Variants in RBFOX1 observed in about 807,000 individuals in gnomAD.
RBFOX1 encodes RNA binding fox-1 homolog 1, also known as RNA binding protein fox-1 homolog 1.
RBFOX1 carries 8 observed loss-of-function variants against 57.7 expected under a neutral mutation model. The ratio of observed to expected loss-of-function variants is 0.14; its 90% CI spans 0.08 to 0.25. The LOEUF is 0.25. Ranked by LOEUF, RBFOX1 falls within the 10% of genes least tolerant of loss-of-function variation. The probability of loss-of-function intolerance (pLI) is 1.00; values close to 1 mark genes in which losing one functional copy is unlikely to be tolerated. For synonymous variants in RBFOX1, 326 were observed against 222.4 expected, an observed-to-expected ratio of 1.47 and a Z score of -4.15; for missense variants, 611 against 548.5, an observed-to-expected ratio of 1.11 and a Z score of -1.14.
At chr16:7,357,601 C>T (rs940485598) in intron 4 of RBFOX1, among the ~76,000 whole-genome samples, 2 of 152,158 alleles carry the variant, frequency 1.3e-5, no homozygotes, top group African/African-American at 4.8e-5. Context: ...GTGCATTTCA[C>T]CCATCTTCCT....
At chr16:5,941,374 C>T (rs1218624349) in intron 4 of RBFOX1, among the ~76,000 whole-genome samples, 3 of 151,546 alleles carry the variant, frequency 2.0e-5, no homozygotes, top group Non-Finnish European at 4.4e-5. Flanking sequence ...CCTGTCGTCC[C>T]AGCTACTTGA....
intron 3 of RBFOX1, among the ~76,000 whole-genome samples, chr16:5,859,153 C>T (rs1455988153): frequency 2.0e-5 from 3 of 152,058 alleles, no homozygotes; most frequent in African/African-American, 4.8e-5. Context: ...TACAGTGAGC[C>T]GAGATCACGC....
At chr16:7,378,070 A>T (rs1440791667) in intron 4 of RBFOX1, among the ~76,000 whole-genome samples, 2 of 152,232 alleles carry the variant, frequency 1.3e-5, no homozygotes, top group East Asian at 3.8e-4. Flanking sequence ...TGGCTAGAGG[A>T]TTCTAATGGA....
intron 3 of RBFOX1, among the ~76,000 whole-genome samples, chr16:6,745,307 G>A (rs1469656477): frequency 1.3e-5 from 2 of 151,940 alleles, no homozygotes; most frequent in East Asian, 1.9e-4. Context: ...ATGAGGCAAC[G>A]ATTACTGTAA....
intron 4 of RBFOX1, among the ~76,000 whole-genome samples, chr16:7,176,846 C>T (rs1010781733): frequency 2.0e-5 from 3 of 152,012 alleles, no homozygotes; most frequent in Admixed American, 6.6e-5. Flanking sequence ...GAAAAAAATA[C>T]AGAAATGTAA....
intron 4 of RBFOX1, among the ~76,000 whole-genome samples, chr16:7,404,385 G>A (rs1047578126): frequency 1.3e-5 from 2 of 152,100 alleles, no homozygotes; most frequent in Non-Finnish European, 2.9e-5. Flanking sequence ...CACCTTGTAG[G>A]TCACTGACCT....
At chr16:5,794,548 G>C (rs9934535) in intron 3 of RBFOX1, among the ~76,000 whole-genome samples, 2 of 152,082 alleles carry the variant, frequency 1.3e-5, no homozygotes, top group South Asian at 4.1e-4. Context: ...CAGCCTTTCA[G>C]ATTTGCTCAT....
intron 11 of RBFOX1, among the ~76,000 whole-genome samples, chr16:7,650,151 C>T (rs192147044): frequency 4.6e-5 from 7 of 152,086 alleles, no homozygotes; most frequent in Non-Finnish European, 1.0e-4. Flanking sequence ...GGAATGTGAT[C>T]GATGAGCATT....
At chr16:6,233,446 G>A (rs1317949085) in intron 1 of RBFOX1, among the ~76,000 whole-genome samples, 1 of 152,022 alleles carries the variant, frequency 6.6e-6, no homozygotes, top group African/African-American at 2.4e-5. Context: ...AACCCAAACA[G>A]CCTGATTATA....
chr16:7,449,506 GAGTCATGATCTAT>G (rs2098834511), intron 4 of RBFOX1, among the ~76,000 whole-genome samples: 1 of 152,066 alleles, frequency 6.6e-6, no homozygotes, highest in Admixed American at 6.5e-5. Flanking sequence ...CAGTAGCTCT[GAGTCATGATCTAT>G]CATATTGCCC....
rs142422390 is a variant in RBFOX1, at chr16:7,493,080, T to C, written c.28-25067T>C. ...TTTTAGTAGAGATGGGGTTTCACTA[T>C]GTTGGTCAGGCTGGTCTCAAACTCC... On this transcript the variant is annotated intron_variant, in intron 4 of 15. Transcript: ENST00000550418. Among the ~76,000 whole-genome samples the C allele has an allele frequency of 3.9e-3, 590 of 152,284 alleles. 3 individuals carry two copies. The highest frequency in any genetic ancestry group is 0.014 in the African/African-American group (570 of 41,552).
chr16:6,304,065 C>T (rs1050512234), intron 1 of RBFOX1, among the ~76,000 whole-genome samples: 2 of 151,526 alleles, frequency 1.3e-5, no homozygotes, highest in Admixed American at 6.6e-5. Flanking sequence ...CTGCCTGGGC[C>T]TCCCAAAGTG....
chr16:7,700,217 A>G (rs373998513), intron 14 of RBFOX1, among the ~76,000 whole-genome samples: 10 of 152,280 alleles, frequency 6.6e-5, no homozygotes, highest in South Asian at 4.2e-4. Context: ...TCCCACATAA[A>G]ATAGACGAGA....
At chr16:5,530,185 A>G (rs969197682) in intron 2 of RBFOX1, among the ~76,000 whole-genome samples, 1 of 152,218 alleles carries the variant, frequency 6.6e-6, no homozygotes, top group African/African-American at 2.4e-5. Flanking sequence ...CATAATTGAA[A>G]GAACCTTATT....
At chr16:6,142,183 CTGCTG>C (rs2096721531) in intron 1 of RBFOX1, among the ~76,000 whole-genome samples, 1 of 95,354 alleles carries the variant, frequency 1.0e-5, no homozygotes, top group African/African-American at 4.9e-5. Flanking sequence ...CTTGTTGCTG[CTGCTG>C]CAAAAAAAAA....
chr16:6,487,948 A>G (rs2095543078), intron 2 of RBFOX1, among the ~76,000 whole-genome samples: 1 of 151,936 alleles, frequency 6.6e-6, no homozygotes, highest in East Asian at 1.9e-4. Context: ...TTGTTCGTTA[A>G]GTTTTCTAAC....
chr16:6,797,803 A>G (rs922945281), intron 3 of RBFOX1, among the ~76,000 whole-genome samples: 6 of 152,168 alleles, frequency 3.9e-5, no homozygotes, highest in African/African-American at 1.2e-4. Flanking sequence ...GGTAAGAAGT[A>G]ACACAACATT....
intron 4 of RBFOX1, among the ~76,000 whole-genome samples, chr16:7,455,768 A>G (rs1297535479): frequency 6.8e-6 from 1 of 147,622 alleles, no homozygotes; most frequent in Non-Finnish European, 1.5e-5. Context: ...GCCTGGGAAC[A>G]GAATGAGACT....
chr16:6,677,995 T>A (rs2058031544), intron 3 of RBFOX1, among the ~76,000 whole-genome samples: 1 of 152,246 alleles, frequency 6.6e-6, no homozygotes, highest in Non-Finnish European at 1.5e-5. Flanking sequence ...TATGTAATGT[T>A]ACATTTTCTA....
Sources: allele counts gnomAD v4.1 joint callset (sites outside exome capture counted in the v4.1 genomes callset), GRCh38; gene constraint gnomAD v4.1.1; transcripts MANE v1.5; gene names NCBI Gene and HGNC (gene_info 2026-07-23, HGNC 2026-07-21).